The following LRRC26 variants were observed in gnomAD, a reference collection of about 807,000 sequenced individuals.
LRRC26 encodes leucine-rich repeat-containing protein 26.
A neutral mutation model predicts 15.3 loss-of-function variants in LRRC26; 17 were observed. The ratio of observed to expected loss-of-function variants is 1.11; its 90% confidence interval spans 0.76 to 1.66. The LOEUF is 1.66. LRRC26 is among the 40% of genes most tolerant of loss of function. The pLI, the probability that LRRC26 is intolerant of heterozygous loss-of-function variation, is 0.00. For missense variants in LRRC26, 573 were observed against 501.0 expected (o/e 1.14, Z -1.37); for synonymous variants, 301 against 272.1 (o/e 1.11, Z -1.05).
Position 137,169,562 on chromosome 9 carries a change from C to A in LRRC26, c.382G>T (p.Ala128Ser). The A allele has an allele frequency of 6.6e-7, 1 of 1,524,446 alleles. No homozygotes were observed. The highest frequency in any genetic ancestry group is 8.8e-7 in the Non-Finnish European group (1 of 1,142,040). 94.4% of individuals were successfully genotyped at this position (1,524,446 alleles called of 1,614,324 possible). The change falls in exon 1 of 2, where the codon GCC becomes TCC. Residue 128 changes from alanine to serine, a missense_variant. Coordinates refer to ENST00000371542, the MANE Select transcript of LRRC26 (RefSeq NM_001013653.3). ...GGTGCCAGTGCTTCCAGCTGGTTGG[C>A]GCTCAGGTCCAGCAGCTGCAGCGCG... ...LGALQLLDLS[A>S]NQLEALAPGT...
At position 137,170,037 on chromosome 9, in the gene LRRC26, G is replaced by A. The variant is rs553487051; in HGVS notation, c.-94C>T. ...CGTCCGCGGAGCCCGTTCCTGCGGCGCCTGCACAAATATTAACTCTCTGGC... is the reference window on the plus strand; with the variant it reads ...CGTCCGCGGAGCCCGTTCCTGCGGCACCTGCACAAATATTAACTCTCTGGC... On this transcript the variant is annotated 5_prime_UTR_variant, in exon 1 of 2. Transcript: ENST00000371542. The A allele has an allele frequency of 5.1e-5, 67 of 1,315,136 alleles. 1 individual carries two copies. In the East Asian group the frequency reaches 2.0e-3, roughly 40 times the overall value. The allele number at this position is 1,315,136 out of a possible 1,614,324, so 81.5% of individuals were successfully genotyped here.
chr9:137,169,692 A>G lies in LRRC26; in HGVS notation c.252T>C (p.Arg84=). The change falls in exon 1 of 2, where the codon CGT becomes CGC. Residue 84 remains arginine, a synonymous_variant. Transcript: ENST00000371542. The part of the protein sequence containing the change: ...RALLLDHNRV[R]ALPPGAFAGA... ...CCGCGAAGGCACCTGGCGGCAGCGC[A>G]CGGACGCGGTTGTGGTCCAGCAGCA... 6.7e-7 allele frequency: 1 copy of G among 1,495,702 alleles called. No individual in the cohort carries two copies. The highest frequency in any genetic ancestry group is 8.9e-7 in the Non-Finnish European group (1 of 1,129,824). The allele number at this position is 1,495,702 out of a possible 1,614,324, so 92.7% of individuals were successfully genotyped here.
chr9:137,169,650 C>T lies in LRRC26; in HGVS notation c.294G>A (p.Gln98=). 4 of 1,504,634 alleles carry T rather than the reference C, an allele frequency of 2.7e-6. No homozygotes were observed. Among genetic ancestry groups the T allele is most frequent in the Non-Finnish European group, 3.5e-6 (4 of 1,133,616 alleles). The allele number at this position is 1,504,634 out of a possible 1,614,324, so 93.2% of individuals were successfully genotyped here. A position where few individuals can be genotyped will look rare whatever the true frequency, so the allele number is the denominator to read the frequency against. ...PGAFAGAGAL[Q]RLDLRENGLH... ...GCCCGTTCTCGCGCAGGTCCAGGCG[C>T]TGTAGCGCGCCCGCTCCCGCGAAGG... The change falls in exon 1 of 2, where the codon CAG becomes CAA. Residue 98 remains glutamine (Q), a synonymous_variant. Coordinates refer to ENST00000371542, the MANE Select transcript of LRRC26 (RefSeq NM_001013653.3).
At position 137,169,302 on chromosome 9, in the gene LRRC26, G is replaced by GAGGTT; in HGVS notation, c.641_642insAACCT (p.Trp215ThrfsTer25). On this transcript the variant is annotated frameshift_variant, in exon 1 of 2. Transcript: ENST00000371542. LOFTEE classifies it low-confidence loss of function (END_TRUNC). ...CGGGCAGCGGGTGCCGGCGCAGCCA[G>GAGGTT]GCGCAGAGCGGGCGCAGCGCGCACC... 7.1e-7 allele frequency: 1 copy of GAGGTT among 1,413,306 alleles called. No individual in the cohort carries two copies. Among genetic ancestry groups the GAGGTT allele is most frequent in the South Asian group, 1.5e-5 (1 of 67,782 alleles). 87.5% of individuals were successfully genotyped at this position (1,413,306 alleles called of 1,614,324 possible).
rs1359094542 is a variant in LRRC26 at position 137,169,482 on chromosome 9, C to T, written c.462G>A (p.Arg154=). 6.6e-7 allele frequency: 1 copy of T among 1,520,920 alleles called. No homozygotes were observed. Among genetic ancestry groups the T allele is most frequent in the Non-Finnish European group, 8.8e-7 (1 of 1,141,554 alleles). 94.2% of individuals were successfully genotyped at this position (1,520,920 alleles called of 1,614,324 possible). The change falls in exon 1 of 2, where the codon CGG becomes CGA. Residue 154 remains arginine (R), a synonymous_variant. Coordinates refer to ENST00000371542, the MANE Select transcript of LRRC26 (RefSeq NM_001013653.3). ...ALRNLSLAGN[R]LARLEPAALG... is the part of the protein sequence containing the mutation. ...GCGCCGCGGGCTCCAGGCGCGCCAG[C>T]CGGTTGCCGGCCAATGAGAGGTTGC...
Position 137,169,022 on chromosome 9 carries a change from G to A in LRRC26, c.837C>T (p.Ser279=), listed in dbSNP as rs1418325024. 6.6e-7 allele frequency: 1 copy of A among 1,515,778 alleles called. No homozygotes were observed. The allele number at this position is 1,515,778 out of a possible 1,614,324, so 93.9% of individuals were successfully genotyped here. Residue 279 remains serine, a synonymous_variant, in exon 2 of 2, where the codon TCC becomes TCT. Transcript: ENST00000371542. Reference sequence around the variant, plus strand: ...TGAGCCCAGAGCCCAGCGCCAGGCAGGAAGCCAGGCTGACGAGGAAGGAGG... The same window carrying A: ...TGAGCCCAGAGCCCAGCGCCAGGCAAGAAGCCAGGCTGACGAGGAAGGAGG... ...GPASFLVSLA[S]CLALGSGLTA...
chr9:137,169,214 C>T (rs2131320190), intron 1 of LRRC26, 29 bp from the exon 2 acceptor site: 1 of 1,402,320 alleles, frequency 7.1e-7, no homozygotes, highest in East Asian at 2.9e-5. Context: ...GGCGCGGCGT[C>T]AGGTGGCGGC....
chr9:137,169,349 G>T lies in LRRC26; in HGVS notation c.595C>A (p.Arg199Ser). Residue 199 changes from arginine to serine, a missense_variant, in exon 1 of 2, where the codon CGC becomes AGC. Transcript: ENST00000371542. ...CACCCGCAGCCCCAAGGGTTGCCGC[G>T]CAGGTGCAGCGCGTCTAGAGCGGGC... The part of the protein sequence containing the change: ...RLPALDALHL[R>S]GNPWGCGCAL... The T allele has an allele frequency of 1.4e-6, 2 of 1,462,526 alleles. No homozygotes were observed. The highest frequency in any genetic ancestry group is 9.0e-7 in the Non-Finnish European group (1 of 1,116,500). 90.6% of individuals were successfully genotyped at this position (1,462,526 alleles called of 1,614,324 possible). A position where few individuals can be genotyped will look rare whatever the true frequency, so the allele number is the denominator to read the frequency against.
At position 137,169,393 on chromosome 9, in the gene LRRC26, G is replaced by C; in HGVS notation, c.551C>G (p.Pro184Arg). The C allele has an allele frequency of 2.0e-6, 3 of 1,501,488 alleles. No individual in the cohort carries two copies. Among genetic ancestry groups the C allele is most frequent in the Non-Finnish European group, 2.6e-6 (3 of 1,134,508 alleles). The allele number at this position is 1,501,488 out of a possible 1,614,324, so 93.0% of individuals were successfully genotyped here. ...AGCGGGCAGGCGGCCCAGCAGCCCC[G>C]GCGCGAGTGCCGCCAGCTCGTTGTC... is the stretch of plus-strand genomic sequence containing the variant. ...LQDNELAALA[P>R]GLLGRLPALD... Residue 184 changes from proline to arginine, a missense_variant, in exon 1 of 2, where the codon CCG (proline) becomes CGG (arginine). Pro to Arg is a moderately radical substitution (Grantham distance 103, BLOSUM62 -2). Coordinates refer to ENST00000371542, the MANE Select transcript of LRRC26 (RefSeq NM_001013653.3).
rs1259054487 is a variant in LRRC26, at chr9:137,169,806, C to T, written c.138G>A (p.Val46=). The change falls in exon 1 of 2, where the codon GTG becomes GTA. Residue 46 remains valine (V), a synonymous_variant. Transcript: ENST00000371542. ...GSLGAPDCPE[V]CTCVPGGLAS... ...CCAGGCCTCCCGGCACGCACGTGCA[C>T]ACCTCGGGGCAGTCCGGGGCGCCCA... 2 of 1,406,092 alleles carry T rather than the reference C, an allele frequency of 1.4e-6. No homozygotes were observed. Among genetic ancestry groups the T allele is most frequent in the Non-Finnish European group, 1.8e-6 (2 of 1,092,678 alleles). 87.1% of individuals were successfully genotyped at this position (1,406,092 alleles called of 1,614,324 possible).
In LRRC26 at chr9:137,169,709, CCA is replaced by C. The variant is rs1255481427; in HGVS notation, c.233_234del (p.Leu78ArgfsTer173). 1 of 1,473,576 alleles carries C rather than the reference CCA, an allele frequency of 6.8e-7. No individual in the cohort carries two copies. The highest frequency in any genetic ancestry group is 8.9e-7 in the Non-Finnish European group (1 of 1,120,690). 91.3% of individuals were successfully genotyped at this position (1,473,576 alleles called of 1,614,324 possible). On this transcript the variant is annotated frameshift_variant, in exon 1 of 2. Transcript: ENST00000371542. LOFTEE classifies it high-confidence loss of function. Reference protein sequence around the residue: ...GLSLRLRALLLDHNRVRALPP... With the variant: ...GLSLRLRALLXDHNRVRALPP... ...GGCAGCGCACGGACGCGGTTGTGGT[CCA>C]GCAGCAGCGCGCGCAGGCGCAGGCT... is the stretch of plus-strand genomic sequence containing the variant.
At position 137,169,814 on chromosome 9, in the gene LRRC26, G is replaced by T. The variant is rs1340342324; in HGVS notation, c.130C>A (p.Pro44Thr). The change falls in exon 1 of 2, where the codon CCC (proline) becomes ACC (threonine). Residue 44 changes from proline (P) to threonine (T), a missense_variant. By Grantham distance (38) the Pro-to-Thr change is conservative. Coordinates refer to ENST00000371542, the MANE Select transcript of LRRC26 (RefSeq NM_001013653.3). The part of the protein sequence containing the change: ...PSGSLGAPDC[P>T]EVCTCVPGGL... Reference sequence around the variant, plus strand: ...CCCGGCACGCACGTGCACACCTCGGGGCAGTCCGGGGCGCCCAGGGACCCC... The same window carrying T: ...CCCGGCACGCACGTGCACACCTCGGTGCAGTCCGGGGCGCCCAGGGACCCC... 7.0e-7 allele frequency: 1 copy of T among 1,430,706 alleles called. No homozygotes were observed. The highest frequency in any genetic ancestry group is 9.0e-7 in the Non-Finnish European group (1 of 1,104,988). The allele number at this position is 1,430,706 out of a possible 1,614,324, so 88.6% of individuals were successfully genotyped here.
Position 137,169,660 on chromosome 9 carries a change from C to G in LRRC26, c.284G>C (p.Gly95Ala). ...ALPPGAFAGA[G>A]ALQRLDLREN... is the part of the protein sequence containing the mutation. Reference sequence around the variant, plus strand: ...GCGCAGGTCCAGGCGCTGTAGCGCGCCCGCTCCCGCGAAGGCACCTGGCGG... The same window carrying G: ...GCGCAGGTCCAGGCGCTGTAGCGCGGCCGCTCCCGCGAAGGCACCTGGCGG... The change falls in exon 1 of 2, where the codon GGC becomes GCC. Residue 95 changes from glycine (G) to alanine (A), a missense_variant. Coordinates refer to ENST00000371542, the MANE Select transcript of LRRC26 (RefSeq NM_001013653.3). 1 of 1,502,090 alleles carries G rather than the reference C, an allele frequency of 6.7e-7. No individual in the cohort carries two copies. The highest frequency in any genetic ancestry group is 8.8e-7 in the Non-Finnish European group (1 of 1,132,462). 93.0% of individuals were successfully genotyped at this position (1,502,090 alleles called of 1,614,324 possible).
chr9:137,168,820 G>A lies in LRRC26; in HGVS notation c.*34C>T. 8.2e-7 allele frequency: 1 copy of A among 1,226,344 alleles called. No homozygotes were observed. Among genetic ancestry groups the A allele is most frequent in the Non-Finnish European group, 1.0e-6 (1 of 984,506 alleles). The allele number at this position is 1,226,344 out of a possible 1,614,324, so 76.0% of individuals were successfully genotyped here. On this transcript the variant is annotated 3_prime_UTR_variant, in exon 2 of 2. Transcript: ENST00000371542. Reference sequence around the variant, plus strand: ...TGTAAAGGGAGGGCAAAGGCATGGGGGAAGCTTCGAGCGCTCCAGGCGGCC... The same window carrying A: ...TGTAAAGGGAGGGCAAAGGCATGGGAGAAGCTTCGAGCGCTCCAGGCGGCC...
Position 137,169,290 on chromosome 9 carries a change from C to A in LRRC26, c.654G>T (p.Arg218=). The A allele has an allele frequency of 7.2e-7, 1 of 1,385,784 alleles. No individual in the cohort carries two copies. Among genetic ancestry groups the A allele is most frequent in the East Asian group, 3.1e-5 (1 of 32,544 alleles). The allele number at this position is 1,385,784 out of a possible 1,614,324, so 85.8% of individuals were successfully genotyped here. A position where few individuals can be genotyped will look rare whatever the true frequency, so the allele number is the denominator to read the frequency against. The change falls in exon 1 of 2, where the codon CGG becomes CGT. Residue 218 remains arginine, a synonymous_variant. Coordinates refer to ENST00000371542, the MANE Select transcript of LRRC26 (RefSeq NM_001013653.3). ...GCTCACCTGACGCGGGCAGCGGGTG[C>A]CGGCGCAGCCAGGCGCAGAGCGGGC... ...ALRPLCAWLR[R]HPLPASEAET...
rs374031826 is a variant in LRRC26, at chr9:137,169,312, G to C, written c.632C>G (p.Pro211Arg). ...NPWGCGCALRPLCAWLRRHPL... is the reference protein window; with the variant it reads ...NPWGCGCALRRLCAWLRRHPL... ...GTGCCGGCGCAGCCAGGCGCAGAGC[G>C]GGCGCAGCGCGCACCCGCAGCCCCA... The change falls in exon 1 of 2, where the codon CCG becomes CGG. Residue 211 changes from proline (P) to arginine (R), a missense_variant. Transcript: ENST00000371542. 88 of 1,422,946 alleles carry C rather than the reference G, an allele frequency of 6.2e-5. 1 individual carries two copies. The highest frequency in any genetic ancestry group is 4.3e-4 in the East Asian group (14 of 32,696). 88.1% of individuals were successfully genotyped at this position (1,422,946 alleles called of 1,614,324 possible). A position where few individuals can be genotyped will look rare whatever the true frequency, so the allele number is the denominator to read the frequency against.
In LRRC26 at chr9:137,169,714, A is replaced by C. The variant is rs1423310430; in HGVS notation, c.230T>G (p.Leu77Arg). ...PGLSLRLRAL[L>R]LDHNRVRALP... The stretch of plus-strand genomic sequence containing the variant: ...CGCACGGACGCGGTTGTGGTCCAGC[A>C]GCAGCGCGCGCAGGCGCAGGCTCAG... Residue 77 changes from leucine to arginine, a missense_variant, in exon 1 of 2, where the codon CTG (leucine) becomes CGG (arginine). Physicochemically the swap from Leu to Arg is moderately radical, Grantham distance 102. Coordinates refer to ENST00000371542, the MANE Select transcript of LRRC26 (RefSeq NM_001013653.3). 6.5e-5 allele frequency: 96 copies of C among 1,469,260 alleles called. 1 individual carries two copies. The highest frequency in any genetic ancestry group is 8.2e-5 in the Non-Finnish European group (92 of 1,118,824). The allele number at this position is 1,469,260 out of a possible 1,614,324, so 91.0% of individuals were successfully genotyped here.
At position 137,169,818 on chromosome 9, in the gene LRRC26, G is replaced by T; in HGVS notation, c.126C>A (p.Asp42Glu). 1 of 1,434,882 alleles carries T rather than the reference G, an allele frequency of 7.0e-7. No individual in the cohort carries two copies. The highest frequency in any genetic ancestry group is 9.0e-7 in the Non-Finnish European group (1 of 1,106,634). 88.9% of individuals were successfully genotyped at this position (1,434,882 alleles called of 1,614,324 possible). ...GCACGCACGTGCACACCTCGGGGCAGTCCGGGGCGCCCAGGGACCCCGAGG... is the reference window on the plus strand; with the variant it reads ...GCACGCACGTGCACACCTCGGGGCATTCCGGGGCGCCCAGGGACCCCGAGG... ...ASPSGSLGAP[D>E]CPEVCTCVPG... The change falls in exon 1 of 2, where the codon GAC becomes GAA. Residue 42 changes from aspartate (D) to glutamate (E), a missense_variant. Asp to Glu is a conservative substitution (Grantham distance 45). Transcript: ENST00000371542.
In LRRC26 at chr9:137,169,637, G is replaced by A. The variant is rs1466748005; in HGVS notation, c.307C>T (p.Arg103Cys). Residue 103 changes from arginine to cysteine, a missense_variant, in exon 1 of 2, where the codon CGC (arginine) becomes TGC (cysteine). Physicochemically the swap from Arg to Cys is radical, Grantham distance 180 (BLOSUM62 -3). Transcript: ENST00000371542. ...TGCACCGAGTGCAGCCCGTTCTCGC[G>A]CAGGTCCAGGCGCTGTAGCGCGCCC... ...GAGALQRLDLRENGLHSVHVR... is the reference protein window; with the variant it reads ...GAGALQRLDLCENGLHSVHVR... The A allele has an allele frequency of 4.0e-6, 6 of 1,510,614 alleles. No homozygotes were observed. In the Admixed American group the frequency reaches 8.3e-5, roughly 21 times the overall value. 93.6% of individuals were successfully genotyped at this position (1,510,614 alleles called of 1,614,324 possible).
Sources: allele counts gnomAD v4.1 joint callset, GRCh38; gene constraint gnomAD v4.1.1; transcripts MANE v1.5; gene names NCBI Gene and HGNC (gene_info 2026-07-23, HGNC 2026-07-21).